The following TAP2 variants were observed in gnomAD, a reference collection of about 807,000 sequenced individuals.
TAP2 encodes the protein antigen peptide transporter 2.
TAP2 carries 49 observed loss-of-function variants against 74.7 expected under a neutral mutation model. The ratio of observed to expected loss-of-function variants is 0.66; its 90% confidence interval spans 0.52 to 0.83. The LOEUF is 0.83. Ranked by LOEUF, TAP2 falls within the 40% of genes least tolerant of loss-of-function variation. TAP2 has a pLI of 0.00. For missense variants in TAP2, 739 were observed against 859.0 expected (o/e 0.86, Z 1.75); for synonymous variants, 306 against 368.4 (o/e 0.83, Z 1.94).
In TAP2 at chr6:32,832,588, C is replaced by T. The variant is rs1433119776; in HGVS notation, c.1143+39G>A. The T allele has an allele frequency of 6.2e-7, 1 of 1,613,026 alleles. No individual in the cohort carries two copies. The highest frequency in any genetic ancestry group is 1.1e-5 in the South Asian group (1 of 91,082). On this transcript the variant is annotated intron_variant, in intron 6 of 11. Coordinates refer to ENST00000374897, the MANE Select transcript of TAP2 (RefSeq NM_001290043.2). The surrounding 1 kb of genome is among the most constrained non-coding windows in gnomAD (Gnocchi z 5.9). The stretch of plus-strand genomic sequence containing the variant: ...AGTTTCCTCTTCCCTTGCCCTCCCC[C>T]TTTCCTGGGCTCCTTTCACAACCAC...
chr6:32,822,134 T>G (rs897948088), downstream of TAP2: 29 of 638,078 alleles, frequency 4.5e-5, no homozygotes, highest in Non-Finnish European at 7.2e-5. Flanking sequence ...ATAGGTGGAC[T>G]CACCCGAAGT....
Position 32,830,089 on chromosome 6 carries a change from C to T in TAP2, c.1636G>A (p.Val546Met), listed in dbSNP as rs749293267. 1.2e-6 allele frequency: 2 copies of T among 1,613,050 alleles called. No individual in the cohort carries two copies. Among genetic ancestry groups the T allele is most frequent in the South Asian group, 1.1e-5 (1 of 91,086 alleles). ...QYEHCYLHSQ[V>M]VSVGQEPVLF... is the part of the protein sequence containing the mutation. ...ACAGGCTCCTGCCCAACTGAAACCA[C>T]CTGTGCAGCAGGGACAGGGGCAGAG... is the stretch of plus-strand genomic sequence containing the variant. The change falls in exon 10 of 12, where the codon GTG (valine) becomes ATG (methionine). Residue 546 changes from valine to methionine, a missense_variant and splice_region_variant. Transcript: ENST00000374897.
At position 32,826,791 on chromosome 6, in the gene TAP2, G is replaced by A. The variant is rs1174343853; in HGVS notation, c.*2115C>T. 6.1e-6 allele frequency: 6 copies of A among 985,328 alleles called. No homozygotes were observed. The highest frequency in any genetic ancestry group is 6.2e-5 in the Admixed American group (1 of 16,256). 61.0% of individuals were successfully genotyped at this position (985,328 alleles called of 1,614,324 possible). On this transcript the variant is annotated 3_prime_UTR_variant, in exon 12 of 12. Coordinates refer to ENST00000374897, the MANE Select transcript of TAP2 (RefSeq NM_001290043.2). The stretch of plus-strand genomic sequence containing the variant: ...TTTTAAGATGCCTTCCAGGCTTAAA[G>A]TATTATGATGCATGGGTATAACTGT...
downstream of TAP2, chr6:32,822,197 C>T (rs1302792299): frequency 2.8e-6 from 3 of 1,078,884 alleles, no homozygotes; most frequent in Middle Eastern, 2.0e-4. Context: ...TTTTGTCCAT[C>T]ACCTCATCCT....
At position 32,835,822 on chromosome 6, in the gene TAP2, G is replaced by C. The variant is rs761889329; in HGVS notation, c.609-49C>G. On this transcript the variant is annotated intron_variant, in intron 3 of 11. Coordinates refer to ENST00000374897, the MANE Select transcript of TAP2 (RefSeq NM_001290043.2). This position sits in a 1 kb window ranked among gnomAD's most constrained non-coding sequence, Gnocchi z 4.0. ...GGAGGGAGATGCAGAGAAGGAGCAA[G>C]CCAGCGGGTGAAACAGAGGAGCAAG... The C allele has an allele frequency of 1.2e-6, 2 of 1,612,482 alleles. No individual in the cohort carries two copies. The highest frequency in any genetic ancestry group is 1.7e-6 in the Non-Finnish European group (2 of 1,179,608).
At chr6:32,822,383 C>T (rs1291196663), downstream of TAP2, 6 of 1,066,740 alleles carry the variant, frequency 5.6e-6, no homozygotes, top group African/African-American at 3.3e-5. Context: ...GTGCTAGAAT[C>T]TGTTTGCAAT....
chr6:32,835,361 TAAG>T lies in TAP2; in HGVS notation c.740-5_740-3del. The stretch of plus-strand genomic sequence containing the variant: ...AGCTCAGCCGTGAGTTCAGCTCCCC[TAAG>T]AAGGACAGAGCAGGTGAGGAAAAAG... On this transcript the variant is annotated splice_polypyrimidine_tract_variant and splice_region_variant and intron_variant, in intron 4 of 11. Transcript: ENST00000374897. The surrounding 1 kb of genome is among the most constrained non-coding windows in gnomAD (Gnocchi z 4.0). The T allele has an allele frequency of 1.9e-6, 3 of 1,612,982 alleles. No homozygotes were observed. Among genetic ancestry groups the T allele is most frequent in the Admixed American group, 1.7e-5 (1 of 60,022 alleles).
Position 32,830,737 on chromosome 6 carries a change from C to A in TAP2, c.1342G>T (p.Asp448Tyr), listed in dbSNP as rs745691531. 10 of 1,612,868 alleles carry A rather than the reference C, an allele frequency of 6.2e-6. No homozygotes were observed. The highest frequency in any genetic ancestry group is 1.6e-4 in the Middle Eastern group (1 of 6,084). ...GAAEKVFSYM[D>Y]RQPNLPSPGT... ...GGTGAAGGCAGATTTGGCTGTCGGT[C>A]CATGTAGGAGAAAACCTTCTCTGCA... The change falls in exon 8 of 12, where the codon GAC (aspartate) becomes TAC (tyrosine). Residue 448 changes from aspartate to tyrosine, a missense_variant. Transcript: ENST00000374897.
In TAP2 at chr6:32,835,615, A is replaced by G. The variant is rs752795164; in HGVS notation, c.739+28T>C. ...CTGAGGGGCAAGGGATGTCCATGGG[A>G]ATCTCAGACCTGGACTCCAGGCCCC... On this transcript the variant is annotated intron_variant, in intron 4 of 11. Coordinates refer to ENST00000374897, the MANE Select transcript of TAP2 (RefSeq NM_001290043.2). The surrounding 1 kb of genome is among the most constrained non-coding windows in gnomAD (Gnocchi z 4.0). 7 of 1,613,006 alleles carry G rather than the reference A, an allele frequency of 4.3e-6. No individual in the cohort carries two copies. In the South Asian group the frequency reaches 6.6e-5, roughly 15 times the overall value.
chr6:32,830,369 T>G lies in TAP2; in HGVS notation c.1533A>C (p.Thr511=), dbSNP rs1240927857. ...ACAGATTCTGCAGCAGGGCAGCCAC[T>G]GTGCTCTTCCCAGACCCATTGGGTC... ...LVGPNGSGKS[T]VAALLQNLYQ... The change falls in exon 9 of 12, where the codon ACA becomes ACC. Residue 511 remains threonine (T), a synonymous_variant. Coordinates refer to ENST00000374897, the MANE Select transcript of TAP2 (RefSeq NM_001290043.2). The G allele has an allele frequency of 6.2e-7, 1 of 1,612,966 alleles. No homozygotes were observed. Among genetic ancestry groups the G allele is most frequent in the African/African-American group, 1.3e-5 (1 of 74,926 alleles).
Position 32,832,147 on chromosome 6 carries a change from A to T in TAP2, c.1272+186T>A. On this transcript the variant is annotated intron_variant, in intron 7 of 11. Coordinates refer to ENST00000374897, the MANE Select transcript of TAP2 (RefSeq NM_001290043.2). The surrounding 1 kb of genome is among the most constrained non-coding windows in gnomAD (Gnocchi z 5.9). ...ATCATTGTTAAAGCACAGGATGTATACATGTGAGTTTGTAATATTATTTTG... is the reference window on the plus strand; with the variant it reads ...ATCATTGTTAAAGCACAGGATGTATTCATGTGAGTTTGTAATATTATTTTG... 1 of 777,564 alleles carries T rather than the reference A, an allele frequency of 1.3e-6. No homozygotes were observed. The highest frequency in any genetic ancestry group is 1.7e-5 in the African/African-American group (1 of 57,586). The allele number at this position is 777,564 out of a possible 1,614,324, so 48.2% of individuals were successfully genotyped here. A position where few individuals can be genotyped will look rare whatever the true frequency, so the allele number is the denominator to read the frequency against.
Position 32,826,322 on chromosome 6 carries a change from C to T in TAP2, c.*2584G>A, listed in dbSNP as rs1210544736. On this transcript the variant is annotated 3_prime_UTR_variant, in exon 12 of 12. Coordinates refer to ENST00000374897, the MANE Select transcript of TAP2 (RefSeq NM_001290043.2). The stretch of plus-strand genomic sequence containing the variant: ...GCATCCAAGGAAATCTATCAGTTTC[C>T]CAAGCTTTCCCCTCTCCATTCATAC... 2.0e-6 allele frequency: 2 copies of T among 985,260 alleles called. No individual in the cohort carries two copies. Among genetic ancestry groups the T allele is most frequent in the East Asian group, 1.1e-4 (1 of 8,834 alleles). 61.0% of individuals were successfully genotyped at this position (985,260 alleles called of 1,614,324 possible).
Position 32,827,983 on chromosome 6 carries a change from G to C in TAP2, c.*923C>G. 2.0e-6 allele frequency: 2 copies of C among 985,326 alleles called. No homozygotes were observed. Among genetic ancestry groups the C allele is most frequent in the Non-Finnish European group, 2.4e-6 (2 of 829,852 alleles). 61.0% of individuals were successfully genotyped at this position (985,326 alleles called of 1,614,324 possible). A position where few individuals can be genotyped will look rare whatever the true frequency, so the allele number is the denominator to read the frequency against. On this transcript the variant is annotated 3_prime_UTR_variant, in exon 12 of 12. Transcript: ENST00000374897. ...ATTATTTAGAGCTAAGAGCAGCAGA[G>C]CTTTTCTTGATGGGATTATGGATTA...
chr6:32,831,777 TAGAC>T lies in TAP2; in HGVS notation c.1272+552_1272+555del, dbSNP rs1014290988. ...ATGGATAGATGGATGGATAGATAGA[TAGAC>T]AGACAGACTTAAAAGATGTATCAAC... On this transcript the variant is annotated intron_variant, in intron 7 of 11. Coordinates refer to ENST00000374897, the MANE Select transcript of TAP2 (RefSeq NM_001290043.2). 2.2e-4 allele frequency among the ~76,000 whole-genome samples: 34 copies of T among 152,274 alleles called. No homozygotes were observed. The East Asian group carries it at 5.0e-3, about 22-fold the overall frequency.
At position 32,826,144 on chromosome 6, in the gene TAP2, T is replaced by C. The variant is rs1455063205; in HGVS notation, c.*2762A>G. 2 of 985,260 alleles carry C rather than the reference T, an allele frequency of 2.0e-6. No individual in the cohort carries two copies. The highest frequency in any genetic ancestry group is 3.5e-5 in the African/African-American group (2 of 57,202). The allele number at this position is 985,260 out of a possible 1,614,324, so 61.0% of individuals were successfully genotyped here. ...TTGTTTTCCTTATTCCCTAGTCCTT[T>C]CCCCACAAAATTCTGACAATTACGC... On this transcript the variant is annotated 3_prime_UTR_variant, in exon 12 of 12. Coordinates refer to ENST00000374897, the MANE Select transcript of TAP2 (RefSeq NM_001290043.2).
chr6:32,829,835 A>C, intron 10 of TAP2, 95 bp downstream of exon 10: 1 of 1,521,814 alleles, frequency 6.6e-7, no homozygotes, highest in Admixed American at 1.7e-5. Context: ...GGAACAGCAA[A>C]CATCAAGCTA....
downstream of TAP2, chr6:32,822,108 T>G (rs1768318430): frequency 1.7e-6 from 1 of 589,378 alleles, no homozygotes; most frequent in Admixed American, 3.3e-5. Context: ...AGCCACTTCT[T>G]TGATACGACT....
intron 10 of TAP2, 66 bp downstream of exon 10, chr6:32,829,864 C>T (rs1768930343): frequency 1.2e-6 from 2 of 1,601,882 alleles, no homozygotes; most frequent in African/African-American, 2.7e-5. Context: ...CGACCTTCAC[C>T]ACTAAGAGTA....
At chr6:32,824,974 GTTTATT>G (rs1768540454), downstream of TAP2, among the ~76,000 whole-genome samples, 2 of 151,840 alleles carry the variant, frequency 1.3e-5, no homozygotes, top group South Asian at 4.2e-4. Flanking sequence ...TTGTGTGTGT[GTTTATT>G]TTTCTCATCT....
Sources: gnomAD v4.1 joint callset for allele counts (sites outside exome capture counted in the v4.1 genomes callset) on GRCh38, gnomAD v4.1.1 for gene constraint, Gnocchi (gnomAD v3.1) non-coding constraint, MANE v1.5 for transcripts, NCBI Gene and HGNC (gene_info 2026-07-23, HGNC 2026-07-21) for gene names.